Variants in LONP1 observed in about 807,000 individuals in gnomAD.
The protein encoded by LONP1 is lon peptidase 1, mitochondrial.
In LONP1, 31 loss-of-function variants were observed where a neutral mutation model predicts 98.5. The observed-to-expected ratio is 0.31, with a 90% confidence interval of 0.24 to 0.42. The LOEUF (loss-of-function observed/expected upper bound fraction) is 0.42, where lower values mean the gene tolerates loss of function less well. Ranked by LOEUF, LONP1 falls within the 20% of genes least tolerant of loss-of-function variation. The pLI is 1.00. For synonymous variants in LONP1, 781 were observed against 594.7 expected (o/e 1.31, Z -4.56); for missense variants, 1,336 against 1,350.6 (o/e 0.99, Z 0.17).
chr19:5,712,369 T>A, intron 3 of LONP1: 1 of 237,516 alleles, frequency 4.2e-6, no homozygotes, highest in Non-Finnish European at 8.2e-6. Context: ...TGCCCTGGAC[T>A]CAGCTCATAG....
intron 8 of LONP1, 38 bp from the exon 9 acceptor site, chr19:5,700,965 C>T (rs1266541688): frequency 2.5e-6 from 4 of 1,611,974 alleles, no homozygotes; most frequent in Non-Finnish European, 3.4e-6. Context: ...GAGTGGAGCT[C>T]ACGAGCTGCC....
intron 8 of LONP1, among the ~76,000 whole-genome samples, chr19:5,704,930 G>A (rs2055119298): frequency 6.6e-6 from 1 of 152,230 alleles, no homozygotes; most frequent in Non-Finnish European, 1.5e-5. Flanking sequence ...GGAGGGCAAG[G>A]TGGGCGGATC....
At chr19:5,699,439 G>A (rs529749476) in intron 9 of LONP1, among the ~76,000 whole-genome samples, 14 of 152,244 alleles carry the variant, frequency 9.2e-5, no homozygotes, top group Admixed American at 3.9e-4. Context: ...CTAGGAGACC[G>A]CGGCCACCCG....
At chr19:5,695,517 C>T (rs557349486) in intron 13 of LONP1, among the ~76,000 whole-genome samples, 1 of 152,286 alleles carries the variant, frequency 6.6e-6, no homozygotes, top group East Asian at 1.9e-4. Flanking sequence ...GGCATTGAAG[C>T]CCCCAGGGGA....
rs752787105 is a variant in LONP1 at position 5,700,768 on chromosome 19, C to T, written c.1506+21G>A. ...CGGGCACCCACATGCAAATCCACAACAGGCCAGACACTGGGCTCACCAGGA... is the reference window on the plus strand; with the variant it reads ...CGGGCACCCACATGCAAATCCACAATAGGCCAGACACTGGGCTCACCAGGA... On this transcript the variant is annotated intron_variant, in intron 9 of 17. Coordinates refer to ENST00000360614, the MANE Select transcript of LONP1 (RefSeq NM_004793.4). 1.9e-6 allele frequency: 3 copies of T among 1,613,606 alleles called. No individual in the cohort carries two copies. In the African/African-American group the frequency reaches 4.0e-5, roughly 22 times the overall value.
chr19:5,718,284 C>A (rs890987676), intron 1 of LONP1, among the ~76,000 whole-genome samples: 1 of 151,914 alleles, frequency 6.6e-6, no homozygotes, highest in East Asian at 1.9e-4. Flanking sequence ...TCGAGACGAG[C>A]GTGGGCAACA....
intron 9 of LONP1, 97 bp from the exon 10 acceptor site, chr19:5,699,302 A>C: frequency 2.9e-6 from 3 of 1,020,578 alleles, no homozygotes; most frequent in Non-Finnish European, 4.0e-6. Context: ...CAGACGTCTG[A>C]GGGCTGCGAG....
rs535109309 is a variant in LONP1 at position 5,698,786 on chromosome 19, G to A, written c.1685+241C>T. Among the ~76,000 whole-genome samples, 633 of 152,340 alleles carry A rather than the reference G, an allele frequency of 4.2e-3. 1 individual carries two copies. Among genetic ancestry groups the A allele is most frequent in the Non-Finnish European group, 7.2e-3 (490 of 68,028 alleles). On this transcript the variant is annotated intron_variant, in intron 10 of 17. Coordinates refer to ENST00000360614, the MANE Select transcript of LONP1 (RefSeq NM_004793.4). ...GGGGGTGTCTGCTGAGGGCCGGCCC[G>A]AGAAGTCTCTCTCCCAGGGGTCAAG...
At chr19:5,704,786 C>T (rs1697722686) in intron 8 of LONP1, among the ~76,000 whole-genome samples, 1 of 152,206 alleles carries the variant, frequency 6.6e-6, no homozygotes, top group Non-Finnish European at 1.5e-5. Context: ...ATGGTCACTT[C>T]CTGGCTGACT....
chr19:5,702,220 G>C (rs1303814629), intron 8 of LONP1, among the ~76,000 whole-genome samples: 1 of 147,170 alleles, frequency 6.8e-6, no homozygotes, highest in Non-Finnish European at 1.5e-5. Flanking sequence ...TCAGCCCCCC[G>C]CCCGGCTAGC....
At chr19:5,699,588 T>C (rs1460754594) in intron 9 of LONP1, among the ~76,000 whole-genome samples, 1 of 149,302 alleles carries the variant, frequency 6.7e-6, no homozygotes, top group African/African-American at 2.5e-5. Context: ...GATGGAGTCT[T>C]GCTCTGTGGC....
chr19:5,719,644 G>C (rs1401688521), intron 1 of LONP1, 60 bp downstream of exon 1: 1 of 1,611,870 alleles, frequency 6.2e-7, no homozygotes, highest in Non-Finnish European at 8.5e-7. Context: ...GTGATCCCAC[G>C]GTTCAGCCCG....
chr19:5,694,317 A>G, intron 15 of LONP1, 70 bp downstream of exon 15: 1 of 1,585,714 alleles, frequency 6.3e-7, no homozygotes, highest in Non-Finnish European at 8.6e-7. Context: ...CAGGTGTACA[A>G]GGTGGGACCT....
chr19:5,696,006 G>T (rs763288707), intron 13 of LONP1, 48 bp downstream of exon 13: 3 of 1,533,776 alleles, frequency 2.0e-6, no homozygotes, highest in East Asian at 2.3e-5. Flanking sequence ...TCTGGGGGGC[G>T]CCCCCTGCTC....
intron 13 of LONP1, among the ~76,000 whole-genome samples, chr19:5,695,653 C>T (rs1301846717): frequency 6.6e-6 from 1 of 152,196 alleles, no homozygotes; most frequent in Non-Finnish European, 1.5e-5. Context: ...AATATGGGCC[C>T]CTGCATGCTC....
intron 8 of LONP1, among the ~76,000 whole-genome samples, chr19:5,701,725 G>A (rs1003632936): frequency 1.1e-4 from 16 of 152,288 alleles, no homozygotes; most frequent in South Asian, 4.1e-4. Context: ...CCAAAGTGCC[G>A]AGATTGCAGC....
At chr19:5,718,350 C>A (rs1342178496) in intron 1 of LONP1, among the ~76,000 whole-genome samples, 1 of 151,936 alleles carries the variant, frequency 6.6e-6, no homozygotes. Flanking sequence ...CGGTGGCGGG[C>A]GCCTGTAATC....
intron 15 of LONP1, 108 bp from the exon 16 acceptor site, chr19:5,693,877 G>C: frequency 1.1e-6 from 1 of 901,478 alleles, no homozygotes; most frequent in South Asian, 1.6e-5. Flanking sequence ...TTAGCATCTT[G>C]GTGCCCCTGG....
chr19:5,711,891 C>T lies in LONP1; in HGVS notation c.750G>A (p.Leu250=). 1 of 1,613,174 alleles carries T rather than the reference C, an allele frequency of 6.2e-7. No homozygotes were observed. The highest frequency in any genetic ancestry group is 8.5e-7 in the Non-Finnish European group (1 of 1,180,000). The change falls in exon 4 of 18, where the codon CTG becomes CTA. Residue 250 remains leucine (L), a synonymous_variant. Transcript: ENST00000360614. ...KRGKKEAEDE[L]SARHPAELAM... is the part of the protein sequence containing the mutation. ...CCAGCTCCGCCGGGTGCCTGGCGCT[C>T]AGCTCGTCCTCCGCCTCCTTCTTGC...
Sources: gnomAD v4.1 joint callset for allele counts (sites outside exome capture counted in the v4.1 genomes callset) on GRCh38, gnomAD v4.1.1 for gene constraint, MANE v1.5 for transcripts, NCBI Gene and HGNC (gene_info 2026-07-23, HGNC 2026-07-21) for gene names.